HOMER1: variants seen among roughly 807,000 people sequenced by gnomAD.
HOMER1 encodes the protein homer scaffold protein 1.
A neutral mutation model predicts 48.9 loss-of-function variants in HOMER1; 3 were observed. The ratio of observed to expected loss-of-function variants is 0.06; its 90% CI spans 0.03 to 0.16. The LOEUF (loss-of-function observed/expected upper bound fraction) is 0.16, where lower values mean the gene tolerates loss of function less well. Among genes scored for constraint, HOMER1 ranks in the 10% least tolerant of loss-of-function variants. The probability of loss-of-function intolerance (pLI) is 1.00; values close to 1 mark genes in which losing one functional copy is unlikely to be tolerated. For synonymous variants in HOMER1, 134 were observed against 146.4 expected (o/e 0.92, Z 0.61); for missense variants, 247 against 411.4 (o/e 0.60, Z 3.46).
At chr5:79,453,733 AC>A (rs1293819461) in intron 2 of HOMER1, among the ~76,000 whole-genome samples, 4 of 152,130 alleles carry the variant, frequency 2.6e-5, no homozygotes, top group Admixed American at 2.6e-4. Flanking sequence ...TAATCAGAAA[AC>A]CTTAAAGCAA....
chr5:79,430,697 G>A (rs1750397305), intron 5 of HOMER1, among the ~76,000 whole-genome samples: 1 of 152,200 alleles, frequency 6.6e-6, no homozygotes, highest in African/African-American at 2.4e-5. Context: ...CTAGCACTTT[G>A]GGAGGCCGAG....
chr5:79,482,357 C>T (rs2112343493), intron 1 of HOMER1, among the ~76,000 whole-genome samples: 1 of 152,016 alleles, frequency 6.6e-6, no homozygotes, highest in African/African-American at 2.4e-5. Flanking sequence ...CCAGAAATGA[C>T]ATAGATGATA....
At chr5:79,455,389 A>T (rs563619037) in intron 2 of HOMER1, among the ~76,000 whole-genome samples, 1 of 152,006 alleles carries the variant, frequency 6.6e-6, no homozygotes, top group Non-Finnish European at 1.5e-5. Context: ...AGTTTCCCCA[A>T]TGCTGTTCTT....
At chr5:79,506,315 C>T (rs62364061) in intron 1 of HOMER1, among the ~76,000 whole-genome samples, 23,453 of 152,048 alleles carry the variant, frequency 0.15, 2,042 homozygotes, top group Non-Finnish European at 0.19. Context: ...CTCAAAAATA[C>T]TGCTTAAAAC....
intron 1 of HOMER1, among the ~76,000 whole-genome samples, chr5:79,476,561 C>A (rs1193283408): frequency 1.3e-5 from 2 of 152,048 alleles, no homozygotes; most frequent in South Asian, 4.2e-4. Flanking sequence ...TCTTTGAGTT[C>A]GATTAATTTG....
chr5:79,473,270 G>A (rs1435324710), intron 1 of HOMER1, among the ~76,000 whole-genome samples: 1 of 152,230 alleles, frequency 6.6e-6, no homozygotes, highest in Non-Finnish European at 1.5e-5. Context: ...AGCTTTGAAT[G>A]TGGCCCAACA....
chr5:79,488,176 T>G (rs530948737), intron 1 of HOMER1, among the ~76,000 whole-genome samples: 1 of 152,246 alleles, frequency 6.6e-6, no homozygotes, highest in Non-Finnish European at 1.5e-5. Context: ...AGGGTTTTGC[T>G]GTCTGCTTTT....
chr5:79,415,323 G>A (rs755996234), intron 5 of HOMER1, among the ~76,000 whole-genome samples: 13 of 151,966 alleles, frequency 8.6e-5, no homozygotes, highest in Non-Finnish European at 1.6e-4. Context: ...GCCTCCCAAA[G>A]GGTTGGCATT....
At chr5:79,450,966 T>C in intron 3 of HOMER1, 24 bp downstream of exon 3, 1 of 1,605,844 alleles carries the variant, frequency 6.2e-7, no homozygotes, top group South Asian at 1.1e-5. Flanking sequence ...AAGATTTTCA[T>C]TCAAATTTTA....
chr5:79,506,339 T>C (rs978325009), intron 1 of HOMER1, among the ~76,000 whole-genome samples: 1 of 152,216 alleles, frequency 6.6e-6, no homozygotes, highest in Admixed American at 6.5e-5. Flanking sequence ...CAGCATTGAT[T>C]CTTATCAGTT....
chr5:79,498,835 C>CTTTTTTTT (rs368140541), intron 1 of HOMER1, among the ~76,000 whole-genome samples: 1 of 133,938 alleles, frequency 7.5e-6, no homozygotes, highest in Admixed American at 7.5e-5. Flanking sequence ...CAGGTCTCCA[C>CTTTTTTTT]TTTTTTTTTT....
At chr5:79,436,759 G>A (rs992283182) in intron 5 of HOMER1, among the ~76,000 whole-genome samples, 5 of 152,068 alleles carry the variant, frequency 3.3e-5, no homozygotes, top group African/African-American at 1.2e-4. Flanking sequence ...TGGGATTCTA[G>A]CATTAACTTA....
At chr5:79,492,780 G>A (rs984941676) in intron 1 of HOMER1, among the ~76,000 whole-genome samples, 2 of 151,746 alleles carry the variant, frequency 1.3e-5, no homozygotes, top group African/African-American at 4.8e-5. Context: ...CTTTATAGAA[G>A]GAAAGGGGCC....
intron 4 of HOMER1, among the ~76,000 whole-genome samples, chr5:79,444,731 CTT>C (rs953302201): frequency 8.5e-5 from 13 of 152,172 alleles, no homozygotes; most frequent in African/African-American, 3.1e-4. Flanking sequence ...TTTGAGTACT[CTT>C]TTACTGAATG....
intron 1 of HOMER1, among the ~76,000 whole-genome samples, chr5:79,458,716 C>T (rs966359964): frequency 2.0e-5 from 3 of 152,216 alleles, no homozygotes; most frequent in African/African-American, 7.2e-5. Flanking sequence ...TTTTGTGCCA[C>T]TCCCTAAAAA....
chr5:79,505,214 G>T (rs894552679), intron 1 of HOMER1, among the ~76,000 whole-genome samples: 1 of 151,894 alleles, frequency 6.6e-6, no homozygotes, highest in Non-Finnish European at 1.5e-5. Flanking sequence ...AGCTGAGATG[G>T]TGCCACTTCA....
At chr5:79,476,517 C>T (rs555117324) in intron 1 of HOMER1, among the ~76,000 whole-genome samples, 1 of 152,320 alleles carries the variant, frequency 6.6e-6, no homozygotes, top group Admixed American at 6.5e-5. Flanking sequence ...GAAATTCTGA[C>T]CAACTGGCTT....
At chr5:79,404,962 G>A (rs1200182953) in intron 5 of HOMER1, among the ~76,000 whole-genome samples, 9 of 151,862 alleles carry the variant, frequency 5.9e-5, no homozygotes, top group Admixed American at 5.9e-4. Flanking sequence ...ACCCGCCTCG[G>A]CCTTCCAAAG....
intron 1 of HOMER1, among the ~76,000 whole-genome samples, chr5:79,512,399 A>C (rs1468634435): frequency 1.3e-5 from 2 of 152,252 alleles, no homozygotes; most frequent in African/African-American, 4.8e-5. Flanking sequence ...ATTATCTAAA[A>C]GTACTGAGAG....
Sources: gnomAD v4.1 joint callset for allele counts (sites outside exome capture counted in the v4.1 genomes callset) on GRCh38, gnomAD v4.1.1 for gene constraint, MANE v1.5 for transcripts, NCBI Gene and HGNC (gene_info 2026-07-23, HGNC 2026-07-21) for gene names.